Variants in HACD3 observed in about 807,000 individuals in gnomAD.
HACD3 encodes the protein very-long-chain (3R)-3-hydroxyacyl-CoA dehydratase 3.
HACD3 carries 30 observed loss-of-function variants against 55.2 expected under a neutral mutation model. The observed-to-expected ratio is 0.54, with a 90% CI of 0.41 to 0.74. The LOEUF (loss-of-function observed/expected upper bound fraction) is 0.74, where lower values mean the gene tolerates loss of function less well. Ranked by LOEUF, HACD3 falls within the 30% of genes least tolerant of loss-of-function variation. HACD3 has a pLI of 0.00. For synonymous variants in HACD3, 141 were observed against 151.7 expected (o/e 0.93, Z 0.52); for missense variants, 363 against 440.1 (o/e 0.82, Z 1.57).
chr15:65,564,773 G>C (rs1181104328), intron 7 of HACD3: 1 of 159,024 alleles, frequency 6.3e-6, no homozygotes, highest in East Asian at 1.9e-4. Context: ...TATCATTCTA[G>C]CCGTGGCCCC....
chr15:65,550,573 A>G (rs2043313201), intron 1 of HACD3, among the ~76,000 whole-genome samples: 1 of 152,244 alleles, frequency 6.6e-6, no homozygotes, highest in Non-Finnish European at 1.5e-5. Context: ...TCTACCAAGC[A>G]TTTAAATAAA....
chr15:65,566,254 C>G (rs920298613), intron 7 of HACD3: 7 of 159,892 alleles, frequency 4.4e-5, no homozygotes, highest in African/African-American at 1.7e-4. Context: ...CTGTCTGTTA[C>G]CCAGTTCCAA....
At chr15:65,569,149 G>A (rs1463248697) in intron 7 of HACD3, among the ~76,000 whole-genome samples, 1 of 151,780 alleles carries the variant, frequency 6.6e-6, no homozygotes, top group Non-Finnish European at 1.5e-5. Context: ...TCGGGAGGCT[G>A]AGGCAGGAGA....
intron 6 of HACD3, 146 bp downstream of exon 6, chr15:65,563,030 C>T: frequency 7.9e-7 from 1 of 1,265,286 alleles, no homozygotes; most frequent in Non-Finnish European, 1.1e-6. Flanking sequence ...TTTCATAGCT[C>T]TTATTTCCCA....
chr15:65,569,028 A>T (rs2072321769), intron 7 of HACD3, among the ~76,000 whole-genome samples: 1 of 151,946 alleles, frequency 6.6e-6, no homozygotes, highest in African/African-American at 2.4e-5. Context: ...CGGGTGGATC[A>T]CAAGGTCAGG....
chr15:65,561,622 C>A (rs781027530), intron 5 of HACD3, among the ~76,000 whole-genome samples: 5 of 152,118 alleles, frequency 3.3e-5, no homozygotes, highest in African/African-American at 4.8e-5. Context: ...TCTTACTCAA[C>A]AACAATCAAC....
At chr15:65,536,215 C>T (rs141970421) in intron 1 of HACD3, among the ~76,000 whole-genome samples, 94 of 152,174 alleles carry the variant, frequency 6.2e-4, no homozygotes, top group Non-Finnish European at 1.2e-3. Context: ...CGAGGTTGGT[C>T]TCGAACTCCT....
chr15:65,540,560 G>C (rs2072010437), intron 1 of HACD3, among the ~76,000 whole-genome samples: 1 of 152,184 alleles, frequency 6.6e-6, no homozygotes, highest in African/African-American at 2.4e-5. Context: ...CACAGACTTA[G>C]AGGCAGGCAA....
chr15:65,548,125 A>G (rs62013107), intron 1 of HACD3, among the ~76,000 whole-genome samples: 31,615 of 152,034 alleles, frequency 0.21, 3,692 homozygotes, highest in African/African-American at 0.31. Context: ...AGCAACTGGA[A>G]TGTGAATTCT....
chr15:65,564,548 C>G, intron 7 of HACD3: 1 of 570,586 alleles, frequency 1.8e-6, no homozygotes. Context: ...GCACTTCTTA[C>G]GTGGTGGCGG....
intron 4 of HACD3, among the ~76,000 whole-genome samples, chr15:65,557,937 CTGTTT>C (rs1252015273): frequency 9.4e-6 from 1 of 106,242 alleles, no homozygotes; most frequent in Non-Finnish European, 1.8e-5. Context: ...CATTATGGGA[CTGTTT>C]TTTTTTTTTT....
chr15:65,530,558 C>A lies in HACD3; in HGVS notation c.-74C>A, dbSNP rs1220017529. 7.3e-7 allele frequency: 1 copy of A among 1,371,462 alleles called. No homozygotes were observed. Among genetic ancestry groups the A allele is most frequent in the Non-Finnish European group, 1.0e-6 (1 of 1,000,828 alleles). The allele number at this position is 1,371,462 out of a possible 1,614,324, so 85.0% of individuals were successfully genotyped here. A position where few individuals can be genotyped will look rare whatever the true frequency, so the allele number is the denominator to read the frequency against. On this transcript the variant is annotated 5_prime_UTR_variant, in exon 1 of 11. Coordinates refer to ENST00000261875, the MANE Select transcript of HACD3 (RefSeq NM_016395.4). ...TAGGGTTTGAGGCCTGCTTTCTGCT[C>A]GCGCCAGCAGAGCACTACCTGAGGC...
intron 7 of HACD3, 111 bp downstream of exon 7, chr15:65,564,453 G>A: frequency 7.4e-7 from 1 of 1,343,826 alleles, no homozygotes; most frequent in Non-Finnish European, 1.0e-6. Flanking sequence ...CCTGAGACTG[G>A]GCAGTTTACA....
At chr15:65,543,325 C>T (rs932727266) in intron 1 of HACD3, among the ~76,000 whole-genome samples, 7 of 151,972 alleles carry the variant, frequency 4.6e-5, no homozygotes, top group African/African-American at 1.7e-4. Flanking sequence ...AGGGTTATTT[C>T]TCCCTTTTCT....
chr15:65,557,566 C>G (rs1286437889), intron 4 of HACD3, among the ~76,000 whole-genome samples: 1 of 151,678 alleles, frequency 6.6e-6, no homozygotes. Context: ...TATCAGGTTT[C>G]TCTACCATAA....
At chr15:65,569,683 G>T (rs1454921373) in intron 7 of HACD3, among the ~76,000 whole-genome samples, 3 of 152,058 alleles carry the variant, frequency 2.0e-5, no homozygotes, top group Admixed American at 2.0e-4. Flanking sequence ...ACTCCAGCCC[G>T]GGTGACGGAG....
intron 2 of HACD3, among the ~76,000 whole-genome samples, chr15:65,554,052 A>G (rs2072162393): frequency 6.6e-6 from 1 of 152,200 alleles, no homozygotes; most frequent in Admixed American, 6.5e-5. Flanking sequence ...GGATGTGCTA[A>G]AGGAGGAGTC....
intron 1 of HACD3, among the ~76,000 whole-genome samples, chr15:65,547,447 T>A (rs2072089041): frequency 6.6e-6 from 1 of 152,190 alleles, no homozygotes; most frequent in Non-Finnish European, 1.5e-5. Flanking sequence ...GGCTTGTTAC[T>A]TAGGTAACCT....
intron 1 of HACD3, among the ~76,000 whole-genome samples, chr15:65,536,649 C>T (rs950041513): frequency 7.2e-5 from 11 of 152,076 alleles, no homozygotes; most frequent in African/African-American, 2.7e-4. Flanking sequence ...CCTAACTACT[C>T]AGGAGGCTGA....
Sources: gnomAD v4.1 joint callset for allele counts (sites outside exome capture counted in the v4.1 genomes callset) on GRCh38, gnomAD v4.1.1 for gene constraint, MANE v1.5 for transcripts, NCBI Gene and HGNC (gene_info 2026-07-23, HGNC 2026-07-21) for gene names.